The following ETS1 variants were observed in gnomAD, a reference collection of about 807,000 sequenced individuals.
ETS1 encodes ETS proto-oncogene 1, transcription factor.
ETS1 carries 15 observed loss-of-function variants against 58.6 expected under a neutral mutation model. That is an observed-to-expected ratio of 0.26 (90% CI 0.17 to 0.39). The LOEUF is 0.39. Among genes scored for constraint, ETS1 ranks in the 10% least tolerant of loss-of-function variants. ETS1 has a pLI of 1.00. For missense variants in ETS1, 417 were observed against 610.5 expected (o/e 0.68, Z 3.34); for synonymous variants, 214 against 218.2 (o/e 0.98, Z 0.17).
At chr11:128,475,539 G>A (rs1451935595) in intron 8 of ETS1, among the ~76,000 whole-genome samples, 1 of 149,806 alleles carries the variant, frequency 6.7e-6, no homozygotes, top group Non-Finnish European at 1.5e-5. Context: ...AGAGGACCTA[G>A]AGGAGAATGC....
intron 7 of ETS1, among the ~76,000 whole-genome samples, chr11:128,481,245 A>C (rs1862476892): frequency 6.6e-6 from 1 of 152,228 alleles, no homozygotes; most frequent in Non-Finnish European, 1.5e-5. Context: ...TAAAGAGTTA[A>C]GGTCCACAGC....
At chr11:128,567,588 G>C (rs552221902) in intron 2 of ETS1, among the ~76,000 whole-genome samples, 1 of 150,482 alleles carries the variant, frequency 6.6e-6, no homozygotes, top group Admixed American at 6.6e-5. Context: ...GAGTGAAAGA[G>C]TGGCAAGTTT....
intron 2 of ETS1, 103 bp from the exon 3 acceptor site, chr11:128,556,538 A>G (rs1026175317): frequency 2.7e-6 from 2 of 744,628 alleles, no homozygotes; most frequent in African/African-American, 3.6e-5. Context: ...GTAAGTAAGA[A>G]TCATCTATAG....
intron 1 of ETS1, among the ~76,000 whole-genome samples, chr11:128,580,880 A>G (rs1434277333): frequency 1.3e-5 from 2 of 152,150 alleles, no homozygotes; most frequent in African/African-American, 2.4e-5. Flanking sequence ...AAATAAACCC[A>G]TCTCCTAATT....
At chr11:128,493,160 T>C (rs1256870746) in intron 3 of ETS1, among the ~76,000 whole-genome samples, 3 of 152,184 alleles carry the variant, frequency 2.0e-5, no homozygotes, top group African/African-American at 7.2e-5. Context: ...AGAATGAGAC[T>C]GACTAGGAGG....
At chr11:128,529,319 G>T (rs953878613) in intron 3 of ETS1, among the ~76,000 whole-genome samples, 1 of 152,164 alleles carries the variant, frequency 6.6e-6, no homozygotes, top group African/African-American at 2.4e-5. Flanking sequence ...TTGAGGAAGG[G>T]TATGGGTTGG....
At chr11:128,578,608 T>G (rs1166837144) in intron 1 of ETS1, among the ~76,000 whole-genome samples, 1 of 152,226 alleles carries the variant, frequency 6.6e-6, no homozygotes, top group Non-Finnish European at 1.5e-5. Context: ...CATGTAGAGA[T>G]AATTATACTA....
intron 2 of ETS1, among the ~76,000 whole-genome samples, chr11:128,571,219 G>T (rs553204399): frequency 6.6e-6 from 1 of 151,828 alleles, no homozygotes; most frequent in African/African-American, 2.4e-5. Context: ...ACGAGGTCAG[G>T]AGATCGAGAC....
intron 3 of ETS1, among the ~76,000 whole-genome samples, chr11:128,552,893 C>T (rs1480239594): frequency 6.6e-6 from 1 of 152,158 alleles, no homozygotes; most frequent in Admixed American, 6.6e-5. Flanking sequence ...GACGGTAAAA[C>T]GTCAGTGAGC....
In ETS1 at chr11:128,569,318, C is replaced by CTTTTTTTTTTTTTTTTTTTTTTTTTTTTT. The variant is rs398018017; in HGVS notation, c.69+3743_69+3744insAAAAAAAAAAAAAAAAAAAAAAAAAAAAA. Among the ~76,000 whole-genome samples the CTTTTTTTTTTTTTTTTTTTTTTTTTTTTT allele has an allele frequency of 2.0e-4, 8 of 39,470 alleles. 2 individuals are homozygous for CTTTTTTTTTTTTTTTTTTTTTTTTTTTTT. The highest frequency in any genetic ancestry group is 9.4e-4 in the East Asian group (1 of 1,064). The allele number at this position is 39,470 out of a possible 152,430, so 25.9% of individuals were successfully genotyped here. ...TACCATACATGGGACAGAGTTTCTT[C>CTTTTTTTTTTTTTTTTTTTTTTTTTTTTT]TTTTTTTTTTTTTTTTTTTTTTTTG... On this transcript the variant is annotated intron_variant, in intron 2 of 9. Coordinates refer to ENST00000392668, the MANE Select transcript of ETS1 (RefSeq NM_001143820.2).
chr11:128,492,216 G>C (rs1195387809), intron 3 of ETS1, among the ~76,000 whole-genome samples: 1 of 152,190 alleles, frequency 6.6e-6, no homozygotes, highest in African/African-American at 2.4e-5. Context: ...TCTAAACTTT[G>C]CTTCGTTAAA....
chr11:128,469,754 TAAG>T (rs1305174650), intron 8 of ETS1, among the ~76,000 whole-genome samples: 1 of 152,172 alleles, frequency 6.6e-6, no homozygotes, highest in Admixed American at 6.5e-5. Flanking sequence ...AAAATTATTT[TAAG>T]AAGATTAAGG....
At chr11:128,582,671 AT>A (rs1864898327) in intron 1 of ETS1, among the ~76,000 whole-genome samples, 1 of 152,108 alleles carries the variant, frequency 6.6e-6, no homozygotes, top group Non-Finnish European at 1.5e-5. Context: ...TTAGTCAAGA[AT>A]TTTGCAGGAG....
At chr11:128,503,375 T>C (rs1301072808) in intron 3 of ETS1, among the ~76,000 whole-genome samples, 1 of 152,180 alleles carries the variant, frequency 6.6e-6, no homozygotes, top group African/African-American at 2.4e-5. Context: ...ATCACGTTCC[T>C]TCCCCAGCCC....
At chr11:128,507,638 C>A (rs1863278194) in intron 3 of ETS1, among the ~76,000 whole-genome samples, 5 of 152,188 alleles carry the variant, frequency 3.3e-5, no homozygotes, top group African/African-American at 1.2e-4. Context: ...TTAGGGGAAG[C>A]CTGCTAGAAC....
Position 128,556,542 on chromosome 11 carries a change from T to C in ETS1, c.70-107A>G, listed in dbSNP as rs1591660426. The C allele has an allele frequency of 5.6e-6, 4 of 719,214 alleles. No individual in the cohort carries two copies. The East Asian group carries it at 1.1e-4, about 20-fold the overall frequency. The allele number at this position is 719,214 out of a possible 1,614,324, so 44.6% of individuals were successfully genotyped here. On this transcript the variant is annotated intron_variant, in intron 2 of 9. Transcript: ENST00000392668. ...TCCAATCACATGTAAGTAAGAATCATCTATAGATGATGACAGAACAGAGCC... is the reference window on the plus strand; with the variant it reads ...TCCAATCACATGTAAGTAAGAATCACCTATAGATGATGACAGAACAGAGCC...
At chr11:128,474,640 C>T (rs1862273490) in intron 8 of ETS1, among the ~76,000 whole-genome samples, 1 of 152,118 alleles carries the variant, frequency 6.6e-6, no homozygotes, top group Non-Finnish European at 1.5e-5. Flanking sequence ...TCTATTACTC[C>T]ACTGAGATCC....
At chr11:128,532,403 C>T (rs1863911570) in intron 3 of ETS1, among the ~76,000 whole-genome samples, 1 of 152,204 alleles carries the variant, frequency 6.6e-6, no homozygotes, top group Non-Finnish European at 1.5e-5. Flanking sequence ...ACTACCATTG[C>T]CTGGCACCCA....
At chr11:128,534,908 A>G (rs576162719) in intron 3 of ETS1, among the ~76,000 whole-genome samples, 2 of 152,322 alleles carry the variant, frequency 1.3e-5, no homozygotes, top group East Asian at 3.9e-4. Context: ...TTATCTTTAT[A>G]ATAGAATGAC....
Sources: gnomAD v4.1 joint callset for allele counts (sites outside exome capture counted in the v4.1 genomes callset) on GRCh38, gnomAD v4.1.1 for gene constraint, MANE v1.5 for transcripts, NCBI Gene and HGNC (gene_info 2026-07-23, HGNC 2026-07-21) for gene names.